DAB1: variants seen among roughly 807,000 people sequenced by gnomAD.
The protein encoded by DAB1 is disabled homolog 1.
Under a neutral mutation model 64.6 loss-of-function variants are expected in DAB1, and 15 were observed. That is an observed-to-expected ratio of 0.23 (90% CI 0.16 to 0.36). DAB1 has a LOEUF of 0.36. Ranked by LOEUF, DAB1 falls within the 10% of genes least tolerant of loss-of-function variation. The pLI, the probability that DAB1 is intolerant of heterozygous loss-of-function variation, is 1.00. For missense variants in DAB1, 596 were observed against 706.7 expected, an observed-to-expected ratio of 0.84 and a Z score of 1.78; for synonymous variants, 235 against 251.9, an observed-to-expected ratio of 0.93 and a Z score of 0.64.
intron 3 of DAB1, among the ~76,000 whole-genome samples, chr1:58,466,151 G>A (rs766746469): frequency 6.6e-6 from 1 of 152,158 alleles, no homozygotes; most frequent in Non-Finnish European, 1.5e-5. Context: ...GAGGAGCGGG[G>A]CAGGGATAAT....
At chr1:58,007,611 C>A (rs769424077) in intron 5 of DAB1, among the ~76,000 whole-genome samples, 9 of 152,130 alleles carry the variant, frequency 5.9e-5, no homozygotes, top group Middle Eastern at 3.2e-3. Context: ...CAGGAGATAA[C>A]CTGTCTTTAG....
Position 57,163,550 on chromosome 1 carries a change from T to C in DAB1, c.68-18121A>G, listed in dbSNP as rs191425664. On this transcript the variant is annotated intron_variant, in intron 2 of 14. Coordinates refer to ENST00000371236, the MANE Select transcript of DAB1 (RefSeq NM_001365792.1). ...AGGGCAGGTTTGGTTCTGAGTGCAA[T>C]GGAAAGCCACGCTGGTGGTGGGGGC... Among the ~76,000 whole-genome samples, 159 of 151,766 alleles carry C rather than the reference T, an allele frequency of 1.0e-3. 1 individual carries two copies. Among genetic ancestry groups the C allele is most frequent in the Non-Finnish European group, 1.3e-3 (90 of 67,914 alleles).
chr1:57,361,298 G>A (rs527757358), intron 1 of DAB1, among the ~76,000 whole-genome samples: 1 of 152,256 alleles, frequency 6.6e-6, no homozygotes, highest in South Asian at 2.1e-4. Flanking sequence ...AGAGCAGAAA[G>A]AGATGAAGCT....
intron 3 of DAB1, among the ~76,000 whole-genome samples, chr1:58,372,951 C>A (rs1644280855): frequency 6.6e-6 from 1 of 151,896 alleles, no homozygotes; most frequent in Admixed American, 6.6e-5. Flanking sequence ...ATCTCTATAG[C>A]AATGTGAAAA....
intron 4 of DAB1, among the ~76,000 whole-genome samples, chr1:58,318,829 T>C (rs933289977): frequency 6.6e-6 from 1 of 152,192 alleles, no homozygotes; most frequent in Admixed American, 6.5e-5. Context: ...ATTCCAAGCA[T>C]GCATTGTAAA....
chr1:57,958,713 G>C (rs770009127), intron 5 of DAB1, among the ~76,000 whole-genome samples: 5 of 152,158 alleles, frequency 3.3e-5, no homozygotes, highest in Non-Finnish European at 7.3e-5. Context: ...CAGCAGGGTG[G>C]ATTCTTCTAA....
intron 7 of DAB1, among the ~76,000 whole-genome samples, chr1:57,441,710 T>A (rs1685967676): frequency 6.6e-6 from 1 of 152,192 alleles, no homozygotes; most frequent in Non-Finnish European, 1.5e-5. Flanking sequence ...TGATTCCATG[T>A]CTTTGCTATT....
intron 5 of DAB1, among the ~76,000 whole-genome samples, chr1:57,892,013 T>C (rs1644322737): frequency 1.3e-5 from 2 of 152,110 alleles, no homozygotes; most frequent in South Asian, 4.1e-4. Flanking sequence ...CAAAACAAAA[T>C]ACATATGCCC....
At chr1:57,578,279 C>A (rs1645273644) in intron 7 of DAB1, among the ~76,000 whole-genome samples, 1 of 152,170 alleles carries the variant, frequency 6.6e-6, no homozygotes. Context: ...TGGCATGAAG[C>A]ATGTCCACTG....
At chr1:57,314,264 G>C (rs897460924) in intron 1 of DAB1, among the ~76,000 whole-genome samples, 1 of 152,104 alleles carries the variant, frequency 6.6e-6, no homozygotes, top group African/African-American at 2.4e-5. Context: ...CCCACCAAGG[G>C]GAAACTTTGT....
intron 6 of DAB1, among the ~76,000 whole-genome samples, chr1:57,693,970 C>T (rs1646794747): frequency 1.3e-5 from 2 of 152,088 alleles, no homozygotes; most frequent in South Asian, 4.2e-4. Flanking sequence ...TTGATGTGAT[C>T]CATTTGTCCA....
chr1:57,072,139 C>A, intron 5 of DAB1, 144 bp downstream of exon 5: 1 of 858,700 alleles, frequency 1.2e-6, no homozygotes, highest in Non-Finnish European at 1.8e-6. Context: ...TTTATCTTTT[C>A]TAGATGGGAA....
chr1:57,787,501 T>C (rs1650390015), intron 6 of DAB1, among the ~76,000 whole-genome samples: 2 of 151,892 alleles, frequency 1.3e-5, no homozygotes, highest in African/African-American at 2.4e-5. Flanking sequence ...TCACACAATA[T>C]ACAAAAATTA....
At chr1:57,768,373 T>G (rs1649412461) in intron 6 of DAB1, among the ~76,000 whole-genome samples, 1 of 151,590 alleles carries the variant, frequency 6.6e-6, no homozygotes, top group Admixed American at 6.6e-5. Flanking sequence ...ATACCATATT[T>G]AAGATATTCA....
intron 5 of DAB1, among the ~76,000 whole-genome samples, chr1:58,077,337 T>C (rs1649717909): frequency 6.6e-6 from 1 of 152,148 alleles, no homozygotes; most frequent in South Asian, 2.1e-4. Flanking sequence ...TTCCCCTGCA[T>C]GGCGGTTTCA....
At chr1:58,294,150 A>G (rs564682452) in intron 4 of DAB1, among the ~76,000 whole-genome samples, 1 of 152,238 alleles carries the variant, frequency 6.6e-6, no homozygotes, top group African/African-American at 2.4e-5. Context: ...AATCTACCCA[A>G]TTCCACCAAT....
At chr1:57,437,368 TCC>T (rs1249301437) in intron 7 of DAB1, among the ~76,000 whole-genome samples, 5 of 152,142 alleles carry the variant, frequency 3.3e-5, no homozygotes, top group African/African-American at 4.8e-5. Context: ...TCACCACTCT[TCC>T]CTTGAAACAC....
chr1:57,534,996 G>T (rs1364262549), intron 7 of DAB1, among the ~76,000 whole-genome samples: 1 of 152,086 alleles, frequency 6.6e-6, no homozygotes, highest in Non-Finnish European at 1.5e-5. Flanking sequence ...TGTGTTCTCT[G>T]CCTGAAATGC....
chr1:57,542,669 G>A (rs1644815636), intron 7 of DAB1, among the ~76,000 whole-genome samples: 1 of 151,966 alleles, frequency 6.6e-6, no homozygotes, highest in Non-Finnish European at 1.5e-5. Context: ...GGCAAGCTAA[G>A]GATGCTCAGT....
Sources: allele counts gnomAD v4.1 joint callset (sites outside exome capture counted in the v4.1 genomes callset), GRCh38; gene constraint gnomAD v4.1.1; transcripts MANE v1.5; gene names NCBI Gene and HGNC (gene_info 2026-07-23, HGNC 2026-07-21).